Variants in NNMT observed in about 807,000 individuals in gnomAD.
The protein encoded by NNMT is nicotinamide N-methyltransferase.
A neutral mutation model predicts 11.7 loss-of-function variants in NNMT; 10 were observed. That is an observed-to-expected ratio of 0.85 (90% CI 0.53 to 1.45). The LOEUF (loss-of-function observed/expected upper bound fraction) is 1.45, where lower values mean the gene tolerates loss of function less well. Ranked by LOEUF, NNMT falls within the 40% of genes most tolerant of loss-of-function variation. NNMT has a pLI of 0.00. For synonymous variants in NNMT, 143 were observed against 133.8 expected, an observed-to-expected ratio of 1.07 and a Z score of -0.48; for missense variants, 381 against 319.4, an observed-to-expected ratio of 1.19 and a Z score of -1.47.
chr11:114,264,788 C>T (rs894888228), intron 2 of NNMT, among the ~76,000 whole-genome samples: 2 of 152,218 alleles, frequency 1.3e-5, no homozygotes, highest in African/African-American at 2.4e-5. Context: ...CTTAGGGAAA[C>T]ATCTACATTT....
At chr11:114,286,620 A>C (rs2135261743) in intron 2 of NNMT, among the ~76,000 whole-genome samples, 1 of 152,338 alleles carries the variant, frequency 6.6e-6, no homozygotes, top group Middle Eastern at 3.4e-3. Flanking sequence ...TTGGAGAATC[A>C]TCCATGCTGA....
intron 2 of NNMT, among the ~76,000 whole-genome samples, chr11:114,274,771 G>A (rs1233037197): frequency 6.6e-6 from 1 of 152,206 alleles, no homozygotes; most frequent in African/African-American, 2.4e-5. Flanking sequence ...ATAACAGGCA[G>A]GATGACAGTC....
chr11:114,275,879 G>A (rs910093201), intron 2 of NNMT, among the ~76,000 whole-genome samples: 3 of 152,140 alleles, frequency 2.0e-5, no homozygotes, highest in Non-Finnish European at 1.5e-5. Flanking sequence ...GTGTGTATGA[G>A]ATGCAGAAAA....
chr11:114,280,030 T>C (rs1406384484), intron 2 of NNMT, among the ~76,000 whole-genome samples: 4 of 152,122 alleles, frequency 2.6e-5, no homozygotes, highest in Non-Finnish European at 5.9e-5. Context: ...GGAAGGATGC[T>C]GAGCGTGTTT....
chr11:114,295,563 T>TGCAGGTG (rs1243452049), upstream of NNMT, among the ~76,000 whole-genome samples: 1 of 151,388 alleles, frequency 6.6e-6, no homozygotes, highest in Non-Finnish European at 1.5e-5. Context: ...TAGCTGGGAC[T>TGCAGGTG]GCAGGTGCCT....
chr11:114,310,908 A>C (rs756486001), intron 2 of NNMT, among the ~76,000 whole-genome samples: 24 of 152,016 alleles, frequency 1.6e-4, no homozygotes, highest in Non-Finnish European at 3.1e-4. Context: ...AATTTTGATC[A>C]TTTGTTTGTT....
intron 1 of NNMT, among the ~76,000 whole-genome samples, chr11:114,258,122 G>T (rs1471164212): frequency 3.3e-5 from 5 of 152,156 alleles, no homozygotes; most frequent in Non-Finnish European, 2.9e-5. Context: ...GCAATTGTGG[G>T]CAGCCTCCTC....
chr11:114,268,768 C>CAAA (rs34012236), intron 2 of NNMT, among the ~76,000 whole-genome samples: 70 of 69,298 alleles, frequency 1.0e-3, no homozygotes, highest in East Asian at 1.6e-3. Context: ...GACTCCGTCT[C>CAAA]AAAAAAAAAA....
At chr11:114,296,744 G>GT in intron 1 of NNMT, 34 bp downstream of exon 1, 1 of 1,610,000 alleles carries the variant, frequency 6.2e-7, no homozygotes. Flanking sequence ...CCCCACTAAT[G>GT]TGAGTCATAT....
At chr11:114,280,504 T>C (rs1945251754) in intron 2 of NNMT, among the ~76,000 whole-genome samples, 1 of 152,150 alleles carries the variant, frequency 6.6e-6, no homozygotes, top group Admixed American at 6.5e-5. Flanking sequence ...ACACCCTGTC[T>C]GCCCGCCCTG....
intron 2 of NNMT, among the ~76,000 whole-genome samples, chr11:114,284,906 A>T (rs1349752271): frequency 6.6e-6 from 1 of 150,502 alleles, no homozygotes; most frequent in Non-Finnish European, 1.5e-5. Context: ...AGTAGCTGGG[A>T]TTACAGGTGC....
chr11:114,260,628 T>TG (rs1367255868), intron 1 of NNMT, among the ~76,000 whole-genome samples: 6 of 152,204 alleles, frequency 3.9e-5, no homozygotes, highest in African/African-American at 1.4e-4. Context: ...ACACTGTCCT[T>TG]GCCTGCATCT....
At chr11:114,261,878 C>G (rs1001218314) in intron 1 of NNMT, among the ~76,000 whole-genome samples, 1 of 152,130 alleles carries the variant, frequency 6.6e-6, no homozygotes. Context: ...GTCAGTCAGC[C>G]CTAACCCCAG....
At chr11:114,290,456 G>C (rs1048438550) in intron 2 of NNMT, among the ~76,000 whole-genome samples, 2 of 152,190 alleles carry the variant, frequency 1.3e-5, no homozygotes, top group Non-Finnish European at 2.9e-5. Flanking sequence ...TAAAATTGGA[G>C]TGTAAGTATT....
intron 2 of NNMT, among the ~76,000 whole-genome samples, chr11:114,307,785 C>T (rs1455935870): frequency 1.3e-5 from 2 of 151,934 alleles, no homozygotes; most frequent in Admixed American, 6.6e-5. Context: ...TTCCTCCCGC[C>T]CTCCCTGCTT....
upstream of NNMT, among the ~76,000 whole-genome samples, chr11:114,294,890 A>G (rs1945361193): frequency 6.6e-6 from 1 of 152,226 alleles, no homozygotes. Flanking sequence ...AGTGTATAGA[A>G]ATTGACACAA....
chr11:114,308,037 T>C (rs1945508802), intron 2 of NNMT, among the ~76,000 whole-genome samples: 1 of 152,150 alleles, frequency 6.6e-6, no homozygotes, highest in South Asian at 2.1e-4. Context: ...TTAGAATCTG[T>C]TTCTCATTTG....
At chr11:114,273,396 A>T (rs1218516345) in intron 2 of NNMT, among the ~76,000 whole-genome samples, 1 of 152,140 alleles carries the variant, frequency 6.6e-6, no homozygotes, top group Non-Finnish European at 1.5e-5. Context: ...AGTCCAAATG[A>T]TATTGATATT....
At chr11:114,296,940 G>T (rs1945386780) in intron 1 of NNMT, among the ~76,000 whole-genome samples, 1 of 152,212 alleles carries the variant, frequency 6.6e-6, no homozygotes, top group African/African-American at 2.4e-5. Context: ...GGACCGGAGT[G>T]CTGTCCTGAG....
Sources: gnomAD v4.1 joint callset for allele counts (sites outside exome capture counted in the v4.1 genomes callset) on GRCh38, gnomAD v4.1.1 for gene constraint, MANE v1.5 for transcripts, NCBI Gene and HGNC (gene_info 2026-07-23, HGNC 2026-07-21) for gene names.